The following MED13L variants were observed in gnomAD, a reference collection of about 807,000 sequenced individuals.
MED13L encodes mediator complex subunit 13L, also known as mediator of RNA polymerase II transcription subunit 13-like.
MED13L carries 7 observed loss-of-function variants against 220.9 expected under a neutral mutation model. The ratio of observed to expected loss-of-function variants is 0.03; its 90% CI spans 0.02 to 0.06. The LOEUF (loss-of-function observed/expected upper bound fraction) is 0.06, where lower values mean the gene tolerates loss of function less well. Among genes scored for constraint, MED13L ranks in the 10% least tolerant of loss-of-function variants. The pLI, the probability that MED13L is intolerant of heterozygous loss-of-function variation, is 1.00. For synonymous variants in MED13L, 1,011 were observed against 1,015.2 expected (o/e 1.00, Z 0.08); for missense variants, 1,965 against 2,760.5 (o/e 0.71, Z 6.46).
At chr12:116,160,585 TAAAAAAA>T (rs113005311) in intron 2 of MED13L, among the ~76,000 whole-genome samples, 1 of 139,674 alleles carries the variant, frequency 7.2e-6, no homozygotes, top group Non-Finnish European at 1.6e-5. Context: ...AACTTTAATT[TAAAAAAA>T]AAAAAAAAGT....
intron 2 of MED13L, among the ~76,000 whole-genome samples, chr12:116,236,282 T>C (rs1342676895): frequency 6.6e-6 from 1 of 152,184 alleles, no homozygotes; most frequent in South Asian, 2.1e-4. Context: ...GGATAAAGGT[T>C]TGAGCTGAAC....
chr12:116,044,921 A>C (rs1178689303), intron 4 of MED13L, among the ~76,000 whole-genome samples: 1 of 152,184 alleles, frequency 6.6e-6, no homozygotes, highest in African/African-American at 2.4e-5. Flanking sequence ...GTGGCTTGGT[A>C]AATTTGGGTG....
At chr12:116,117,475 C>T (rs921233276) in intron 2 of MED13L, among the ~76,000 whole-genome samples, 16 of 152,002 alleles carry the variant, frequency 1.1e-4, no homozygotes, top group African/African-American at 2.7e-4. Flanking sequence ...TTCTAAATTA[C>T]GAAAACTCAT....
chr12:116,196,486 GT>G (rs1881634352), intron 2 of MED13L, among the ~76,000 whole-genome samples: 1 of 152,114 alleles, frequency 6.6e-6, no homozygotes, highest in Non-Finnish European at 1.5e-5. Flanking sequence ...TGAGATAAGA[GT>G]GCTTTCTTTC....
chr12:116,106,060 G>A (rs1873543866), intron 3 of MED13L, among the ~76,000 whole-genome samples: 1 of 152,156 alleles, frequency 6.6e-6, no homozygotes, highest in Non-Finnish European at 1.5e-5. Flanking sequence ...GGAGGGAAGA[G>A]GATATAGTAC....
chr12:116,142,248 T>C (rs1371719959), intron 2 of MED13L, among the ~76,000 whole-genome samples: 1 of 152,210 alleles, frequency 6.6e-6, no homozygotes, highest in Non-Finnish European at 1.5e-5. Context: ...GGAACCAAGA[T>C]TTTAGTCTGT....
At chr12:116,061,068 C>T (rs7314113) in intron 4 of MED13L, among the ~76,000 whole-genome samples, 21,653 of 152,042 alleles carry the variant, frequency 0.14, 2,750 homozygotes, top group East Asian at 0.39. Flanking sequence ...AAGTTAAATG[C>T]TTCTATATGA....
At chr12:116,241,323 A>G (rs1268675792) in intron 1 of MED13L, among the ~76,000 whole-genome samples, 1 of 148,716 alleles carries the variant, frequency 6.7e-6, no homozygotes, top group Non-Finnish European at 1.5e-5. Flanking sequence ...AAAACAAAAA[A>G]CAAAAAAACA....
intron 1 of MED13L, among the ~76,000 whole-genome samples, chr12:116,258,880 C>A (rs2138548568): frequency 6.8e-6 from 1 of 146,926 alleles, no homozygotes; most frequent in East Asian, 2.0e-4. Context: ...CTCATAATCT[C>A]ACGAGAAATC....
At chr12:116,066,789 G>A (rs896998234) in intron 4 of MED13L, among the ~76,000 whole-genome samples, 5 of 150,132 alleles carry the variant, frequency 3.3e-5, no homozygotes, top group African/African-American at 1.2e-4. Context: ...GAGCAAAAGC[G>A]CATCAACTCT....
At chr12:116,130,534 A>C (rs1250064631) in intron 2 of MED13L, among the ~76,000 whole-genome samples, 2 of 152,214 alleles carry the variant, frequency 1.3e-5, no homozygotes, top group African/African-American at 4.8e-5. Flanking sequence ...CAAAAGGCCA[A>C]AAAGGACTTT....
chr12:116,017,513 A>C (rs1256899507), intron 7 of MED13L, among the ~76,000 whole-genome samples: 2 of 152,232 alleles, frequency 1.3e-5, no homozygotes, highest in Non-Finnish European at 2.9e-5. Context: ...GATTACTACA[A>C]AAGACTATGA....
At chr12:116,276,710 C>A (rs796926811) in intron 1 of MED13L, 2 of 1,148,890 alleles carry the variant, frequency 1.7e-6, no homozygotes, top group South Asian at 1.9e-5. Flanking sequence ...TCCACATTTA[C>A]GGGGGGAAAA....
At chr12:116,221,897 G>A (rs912479298) in intron 2 of MED13L, among the ~76,000 whole-genome samples, 12 of 151,556 alleles carry the variant, frequency 7.9e-5, no homozygotes, top group East Asian at 5.8e-4. Flanking sequence ...AAGGAGCAAG[G>A]GCATAAATAA....
At chr12:116,050,914 C>T (rs1448596126) in intron 4 of MED13L, among the ~76,000 whole-genome samples, 3 of 152,080 alleles carry the variant, frequency 2.0e-5, no homozygotes, top group Non-Finnish European at 2.9e-5. Flanking sequence ...GCCTGGGCAA[C>T]AGAGTGAGAC....
chr12:116,250,115 G>A (rs768680703), intron 1 of MED13L, among the ~76,000 whole-genome samples: 36 of 148,900 alleles, frequency 2.4e-4, no homozygotes, highest in East Asian at 1.4e-3. Context: ...ATTACAAGTC[G>A]GCAGAGGAAA....
intron 1 of MED13L, among the ~76,000 whole-genome samples, chr12:116,249,751 A>G (rs943080642): frequency 1.3e-5 from 2 of 148,208 alleles, no homozygotes; most frequent in Non-Finnish European, 3.0e-5. Context: ...AAAAAAAAAA[A>G]AAAAAAAAAG....
chr12:116,166,310 G>A (rs542429424), intron 2 of MED13L, among the ~76,000 whole-genome samples: 1 of 152,172 alleles, frequency 6.6e-6, no homozygotes, highest in Non-Finnish European at 1.5e-5. Flanking sequence ...CAGTGGGCTG[G>A]GGAAAGCAGA....
chr12:116,233,111 G>T (rs1411580173), intron 2 of MED13L, among the ~76,000 whole-genome samples: 1 of 142,254 alleles, frequency 7.0e-6, no homozygotes, highest in African/African-American at 2.6e-5. Flanking sequence ...AAAAAAAAAA[G>T]TAAGAAGTAT....
Sources: gnomAD v4.1 joint callset for allele counts (sites outside exome capture counted in the v4.1 genomes callset) on GRCh38, gnomAD v4.1.1 for gene constraint, MANE v1.5 for transcripts, NCBI Gene and HGNC (gene_info 2026-07-23, HGNC 2026-07-21) for gene names.